NUS1: variants seen among roughly 807,000 people sequenced by gnomAD.
NUS1 encodes the protein dehydrodolichyl diphosphate synthase complex subunit NUS1.
For synonymous variants in NUS1, 135 were observed against 155.2 expected (o/e 0.87, Z 0.97); for missense variants, 292 against 382.9 (o/e 0.76, Z 1.98).
chr6:117,680,675 A>G (rs1297581739), intron 1 of NUS1, among the ~76,000 whole-genome samples: 1 of 152,214 alleles, frequency 6.6e-6, no homozygotes, highest in Non-Finnish European at 1.5e-5. Flanking sequence ...ACACAGATCA[A>G]AGGATACTCT....
chr6:117,684,853 C>T (rs938629723), intron 1 of NUS1, among the ~76,000 whole-genome samples: 6 of 152,004 alleles, frequency 3.9e-5, no homozygotes, highest in Non-Finnish European at 8.8e-5. Context: ...TTAAAATAAT[C>T]ATGAGACTAG....
At chr6:117,684,450 G>T (rs971710198) in intron 1 of NUS1, among the ~76,000 whole-genome samples, 1 of 152,268 alleles carries the variant, frequency 6.6e-6, no homozygotes, top group South Asian at 2.1e-4. Flanking sequence ...AATTACCATT[G>T]TTCTTTCACC....
Position 117,675,817 on chromosome 6 carries a change from A to G in NUS1, c.147A>G (p.Leu49=), listed in dbSNP as rs1484796976. ...GCCGCGCCGCCTCTGCCGCGGTCCT[A>G]GCGCCGCTCGGCTTCACGCTCCGCA... ...RCCRAASAAV[L]APLGFTLRKP... Residue 49 remains leucine, a synonymous_variant, in exon 1 of 5, where the codon CTA becomes CTG. Transcript: ENST00000368494. The G allele has an allele frequency of 3.2e-6, 5 of 1,556,344 alleles. No individual in the cohort carries two copies. Among genetic ancestry groups the G allele is most frequent in the Non-Finnish European group, 2.6e-6 (3 of 1,152,256 alleles).
rs150440489 is a variant in NUS1 at position 117,683,480 on chromosome 6, G to A, written c.415+7395G>A. 2.6e-3 allele frequency among the ~76,000 whole-genome samples: 393 copies of A among 152,116 alleles called. 5 individuals carry two copies. Among genetic ancestry groups the A allele is most frequent in the African/African-American group, 9.2e-3 (380 of 41,502 alleles). The stretch of plus-strand genomic sequence containing the variant: ...CTTCTCTGAAGATTGCTCTCTAGTC[G>A]TTTTATAATTGAGTTGTTAGAGGTA... On this transcript the variant is annotated intron_variant, in intron 1 of 4. Coordinates refer to ENST00000368494, the MANE Select transcript of NUS1 (RefSeq NM_138459.5).
intron 1 of NUS1, among the ~76,000 whole-genome samples, chr6:117,678,677 G>T (rs1047462138): frequency 7.0e-5 from 7 of 100,330 alleles, no homozygotes; most frequent in Admixed American, 1.1e-4. Context: ...TTTTTCAGTG[G>T]TTTTTTTTTT....
chr6:117,696,599 G>C (rs1343956418), intron 3 of NUS1, among the ~76,000 whole-genome samples: 2 of 152,068 alleles, frequency 1.3e-5, no homozygotes, highest in East Asian at 1.9e-4. Context: ...TTACAGGCTG[G>C]GAGAGAGTGG....
At chr6:117,682,955 A>G (rs1397890625) in intron 1 of NUS1, among the ~76,000 whole-genome samples, 1 of 152,208 alleles carries the variant, frequency 6.6e-6, no homozygotes, top group Admixed American at 6.5e-5. Flanking sequence ...ATATTTAAAG[A>G]CTAATAGAGA....
At chr6:117,705,754 G>T (rs1773491533) in intron 4 of NUS1, among the ~76,000 whole-genome samples, 1 of 152,104 alleles carries the variant, frequency 6.6e-6, no homozygotes, top group Non-Finnish European at 1.5e-5. Flanking sequence ...AGATGAGGAA[G>T]ACTTAGGGAA....
chr6:117,700,141 T>C (rs1219931815), intron 3 of NUS1, among the ~76,000 whole-genome samples: 2 of 151,938 alleles, frequency 1.3e-5, no homozygotes, highest in East Asian at 3.9e-4. Context: ...AATGAACAAA[T>C]GAGATCACAT....
At chr6:117,702,582 C>T (rs1773425877) in intron 3 of NUS1, among the ~76,000 whole-genome samples, 1 of 151,964 alleles carries the variant, frequency 6.6e-6, no homozygotes, top group African/African-American at 2.4e-5. Flanking sequence ...GATTTGCCAC[C>T]CTCTTTACAT....
At chr6:117,689,854 C>G (rs1478053369) in intron 1 of NUS1, among the ~76,000 whole-genome samples, 1 of 152,194 alleles carries the variant, frequency 6.6e-6, no homozygotes, top group East Asian at 1.9e-4. Flanking sequence ...GTGAGAGCCA[C>G]TGGCACCCAG....
At chr6:117,682,630 G>A (rs1343715913) in intron 1 of NUS1, among the ~76,000 whole-genome samples, 1 of 152,130 alleles carries the variant, frequency 6.6e-6, no homozygotes, top group Admixed American at 6.5e-5. Context: ...TATCTTAAGC[G>A]TAATAATTAT....
chr6:117,700,679 C>T (rs1473458132), intron 3 of NUS1, among the ~76,000 whole-genome samples: 3 of 152,166 alleles, frequency 2.0e-5, no homozygotes, highest in African/African-American at 7.2e-5. Context: ...CAGCACTGTT[C>T]ACAATAGCCA....
chr6:117,703,530 ATCTGTGTGTT>A, intron 3 of NUS1, 65 bp from the exon 4 acceptor site: 1 of 1,095,424 alleles, frequency 9.1e-7, no homozygotes, highest in South Asian at 1.3e-5. Flanking sequence ...TTTGCCCATG[ATCTGTGTGTT>A]TCTGTGTGTG....
chr6:117,679,452 A>G (rs1161819136), intron 1 of NUS1, among the ~76,000 whole-genome samples: 6 of 152,244 alleles, frequency 3.9e-5, no homozygotes, highest in African/African-American at 7.2e-5. Flanking sequence ...AGGCTTGGAC[A>G]GCTATTCTGG....
intron 1 of NUS1, among the ~76,000 whole-genome samples, chr6:117,689,766 A>G (rs1208035045): frequency 1.3e-5 from 2 of 152,066 alleles, no homozygotes; most frequent in South Asian, 2.1e-4. Context: ...AGGTCTTGCT[A>G]TGTTGCCCAG....
rs933143186 is a variant in NUS1 at position 117,707,675 on chromosome 6, G to A, written c.*660G>A. 2.1e-5 allele frequency: 3 copies of A among 144,746 alleles called. No homozygotes were observed. Among genetic ancestry groups the A allele is most frequent in the African/African-American group, 7.8e-5 (3 of 38,664 alleles). 9.0% of individuals were successfully genotyped at this position (144,746 alleles called of 1,614,324 possible). The stretch of plus-strand genomic sequence containing the variant: ...CTGGGTTCTGAAGTCTGGTATTCTG[G>A]TATTCTGGGTTCAAAAGTATGACTT... On this transcript the variant is annotated 3_prime_UTR_variant, in exon 5 of 5. Coordinates refer to ENST00000368494, the MANE Select transcript of NUS1 (RefSeq NM_138459.5).
Position 117,710,569 on chromosome 6 carries a change from C to G in NUS1, c.*3554C>G, listed in dbSNP as rs530630987. The stretch of plus-strand genomic sequence containing the variant: ...TGGTGATCACCGAGAATTTTTTGTA[C>G]TATATTTTAAAAAATGTATTCTACT... On this transcript the variant is annotated 3_prime_UTR_variant, in exon 5 of 5. Coordinates refer to ENST00000368494, the MANE Select transcript of NUS1 (RefSeq NM_138459.5). 4 of 151,836 alleles carry G rather than the reference C, an allele frequency of 2.6e-5. No homozygotes were observed. The highest frequency in any genetic ancestry group is 9.6e-5 in the African/African-American group (4 of 41,466). The allele number at this position is 151,836 out of a possible 1,614,324, so 9.4% of individuals were successfully genotyped here. A position where few individuals can be genotyped will look rare whatever the true frequency, so the allele number is the denominator to read the frequency against.
At chr6:117,695,325 C>T (rs1263962498) in intron 3 of NUS1, among the ~76,000 whole-genome samples, 2 of 151,790 alleles carry the variant, frequency 1.3e-5, no homozygotes, top group African/African-American at 2.4e-5. Flanking sequence ...CCATCTCCCA[C>T]TTCTTGGTTT....
Sources: allele counts gnomAD v4.1 joint callset (sites outside exome capture counted in the v4.1 genomes callset), GRCh38; gene constraint gnomAD v4.1.1; transcripts MANE v1.5; gene names NCBI Gene and HGNC (gene_info 2026-07-23, HGNC 2026-07-21).